The following ITPRID2 variants were observed in gnomAD, a reference collection of about 807,000 sequenced individuals.
ITPRID2 encodes protein ITPRID2.
A neutral mutation model predicts 124.3 loss-of-function variants in ITPRID2; 60 were observed. The observed-to-expected ratio is 0.48, with a 90% CI of 0.39 to 0.60. The LOEUF is 0.60. Among genes scored for constraint, ITPRID2 ranks in the 20% least tolerant of loss-of-function variants. ITPRID2 has a pLI of 0.00. For missense variants in ITPRID2, 1,553 were observed against 1,512.2 expected (o/e 1.03, Z -0.45); for synonymous variants, 521 against 542.9 (o/e 0.96, Z 0.56).
chr2:181,926,544 TCTA>T (rs1445800870), intron 16 of ITPRID2, among the ~76,000 whole-genome samples: 1 of 151,960 alleles, frequency 6.6e-6, no homozygotes, highest in African/African-American at 2.4e-5. Flanking sequence ...AAACCCCGTC[TCTA>T]CTAAAAATAC....
At chr2:181,897,541 A>T (rs1014218996) in intron 4 of ITPRID2, among the ~76,000 whole-genome samples, 27 of 151,644 alleles carry the variant, frequency 1.8e-4, no homozygotes, top group Non-Finnish European at 3.5e-4. Context: ...TTTACAAGTT[A>T]TGTAATGTTT....
chr2:181,899,737 G>C (rs1692508762), intron 6 of ITPRID2, among the ~76,000 whole-genome samples: 1 of 152,096 alleles, frequency 6.6e-6, no homozygotes, highest in Non-Finnish European at 1.5e-5. Context: ...ACAACCACTT[G>C]GAAGGCTGAA....
rs533041396 is a variant in ITPRID2, at chr2:181,919,070, A to G, written c.2993+188A>G. Among the ~76,000 whole-genome samples the G allele has an allele frequency of 1.3e-5, 2 of 152,336 alleles. No homozygotes were observed. Among genetic ancestry groups the G allele is most frequent in the South Asian group, 4.1e-4 (2 of 4,828 alleles). The stretch of plus-strand genomic sequence containing the variant: ...TAAACTTGTATGCCTTCAATATCCT[A>G]AGGGTAGTGGTAACCTGCTTTCCCG... On this transcript the variant is annotated intron_variant, in intron 13 of 17. Coordinates refer to ENST00000431877, the MANE Select transcript of ITPRID2 (RefSeq NM_001130445.3). The surrounding 1 kb of genome is among the most constrained non-coding windows in gnomAD (Gnocchi z 4.2).
At chr2:181,913,225 G>C (rs985752888) in intron 9 of ITPRID2, among the ~76,000 whole-genome samples, 1 of 151,972 alleles carries the variant, frequency 6.6e-6, no homozygotes, top group Non-Finnish European at 1.5e-5. Flanking sequence ...CCGCTACCAC[G>C]CCTGGCTAAT....
In ITPRID2 at chr2:181,922,223, A is replaced by T. The variant is rs374063971; in HGVS notation, c.3486A>T (p.Arg1162Ser). 1 of 1,614,254 alleles carries T rather than the reference A, an allele frequency of 6.2e-7. No individual in the cohort carries two copies. Among genetic ancestry groups the T allele is most frequent in the Admixed American group, 1.7e-5 (1 of 60,032 alleles). ...CTCTAACGCCAACAGCTCCTTCTAG[A>T]ACAGGCTCTGTGCAGACACCTCCAG... is the stretch of plus-strand genomic sequence containing the variant. ...SVALTPTAPS[R>S]TGSVQTPPDL... Residue 1162 changes from arginine (R) to serine (S), a missense_variant, in exon 16 of 18, where the codon AGA becomes AGT. By Grantham distance (110) the Arg-to-Ser change is moderately radical. Coordinates refer to ENST00000431877, the MANE Select transcript of ITPRID2 (RefSeq NM_001130445.3).
At chr2:181,916,681 C>A in intron 11 of ITPRID2, 2 of 706,042 alleles carry the variant, frequency 2.8e-6, no homozygotes, top group Non-Finnish European at 4.1e-6. Context: ...AGATTTTTCT[C>A]GTTAAGTATC....
chr2:181,897,646 C>T (rs1692312748), intron 4 of ITPRID2, among the ~76,000 whole-genome samples: 1 of 151,338 alleles, frequency 6.6e-6, no homozygotes, highest in Admixed American at 6.6e-5. Flanking sequence ...GCTCATTGAT[C>T]AAATTGCATA....
At chr2:181,914,515 G>T (rs994789582) in intron 10 of ITPRID2, among the ~76,000 whole-genome samples, 1 of 152,122 alleles carries the variant, frequency 6.6e-6, no homozygotes, top group Non-Finnish European at 1.5e-5. Context: ...CATTTAAGGG[G>T]TAAACAGACA....
rs374991545 is a variant in ITPRID2, at chr2:181,908,091, C to T, written c.1414-1808C>T. On this transcript the variant is annotated intron_variant, in intron 8 of 17. Transcript: ENST00000431877. Reference sequence around the variant, plus strand: ...AATTCTGTGTTTAAAGGTGAGCAGCCGGGTGCGGCGGCTCACACCTTTAAT... The same window carrying T: ...AATTCTGTGTTTAAAGGTGAGCAGCTGGGTGCGGCGGCTCACACCTTTAAT... Among the ~76,000 whole-genome samples, 45 of 152,178 alleles carry T rather than the reference C, an allele frequency of 3.0e-4. 1 individual carries two copies. The Middle Eastern group carries it at 0.01, about 35-fold the overall frequency.
intron 16 of ITPRID2, among the ~76,000 whole-genome samples, chr2:181,922,633 A>G (rs1325376030): frequency 6.6e-6 from 1 of 152,250 alleles, no homozygotes; most frequent in Non-Finnish European, 1.5e-5. Context: ...AATAATTACA[A>G]TTCTCTGTGT....
chr2:181,928,048 C>T (rs1694992421), intron 16 of ITPRID2, 113 bp from the exon 17 acceptor site: 3 of 678,924 alleles, frequency 4.4e-6, no homozygotes, highest in Non-Finnish European at 7.5e-6. Flanking sequence ...CAGGGAGATT[C>T]ACATGAAGGT....
chr2:181,916,794 C>A, intron 11 of ITPRID2: 1 of 999,262 alleles, frequency 1.0e-6, no homozygotes, highest in Non-Finnish European at 1.2e-6. Context: ...TTCTCTCTTT[C>A]TCTCTGCTAT....
At position 181,892,560 on chromosome 2, in the gene ITPRID2, C is replaced by T; in HGVS notation, c.212-55C>T. The T allele has an allele frequency of 6.2e-7, 1 of 1,608,888 alleles. No homozygotes were observed. Among genetic ancestry groups the T allele is most frequent in the East Asian group, 2.2e-5 (1 of 44,836 alleles). ...CTACTTGGGAGGGTCCAGGGTGACT[C>T]CGCCGTCGTAGTGCTCCTGGGTGGT... On this transcript the variant is annotated intron_variant, in intron 1 of 17. Transcript: ENST00000431877. This position sits in a 1 kb window ranked among gnomAD's most constrained non-coding sequence, Gnocchi z 5.2.
At chr2:181,921,865 A>G (rs1205938379) in intron 15 of ITPRID2, 83 bp from the exon 16 acceptor site, 7 of 1,210,678 alleles carry the variant, frequency 5.8e-6, no homozygotes, top group African/African-American at 1.5e-5. Flanking sequence ...ATTTTAGGCA[A>G]TAATGACAAC....
chr2:181,892,037 G>A lies in ITPRID2; in HGVS notation c.-30G>A. On this transcript the variant is annotated 5_prime_UTR_variant, in exon 1 of 18. Transcript: ENST00000431877. The surrounding 1 kb of genome is among the most constrained non-coding windows in gnomAD (Gnocchi z 5.2). ...CGCCGCCTTGTCTCGCGCAGGGTCC[G>A]GCTGGGGTAGCGGAGCCCCCAGTGC... 5 of 1,545,238 alleles carry A rather than the reference G, an allele frequency of 3.2e-6. No individual in the cohort carries two copies. The highest frequency in any genetic ancestry group is 4.4e-6 in the Non-Finnish European group (5 of 1,145,000).
rs1693464383 is a variant in ITPRID2, at chr2:181,909,893, C to G, written c.1414-6C>G. 5 of 1,611,838 alleles carry G rather than the reference C, an allele frequency of 3.1e-6. No individual in the cohort carries two copies. In the East Asian group the frequency reaches 1.1e-4, roughly 36 times the overall value. On this transcript the variant is annotated splice_region_variant and splice_polypyrimidine_tract_variant and intron_variant, in intron 8 of 17. Coordinates refer to ENST00000431877, the MANE Select transcript of ITPRID2 (RefSeq NM_001130445.3). ...TTGGTTTTAACTACTTAAAACTCTT[C>G]TTAAGGTTCAAAGTACGGAGGGAGA...
chr2:181,901,829 A>G lies in ITPRID2; in HGVS notation c.776A>G (p.Gln259Arg). The stretch of plus-strand genomic sequence containing the variant: ...AATGCGTTTTCTTCTTTATATTCTC[A>G]AGTCTCCGGGACGCCCCTGCAGAGA... Reference protein sequence around the residue: ...VANAFSSLYSQVSGTPLQRIG... With the variant: ...VANAFSSLYSRVSGTPLQRIG... The change falls in exon 8 of 18, where the codon CAA becomes CGA. Residue 259 changes from glutamine (Q) to arginine (R), a missense_variant. Transcript: ENST00000431877. The G allele has an allele frequency of 6.2e-7, 1 of 1,613,738 alleles. No homozygotes were observed. Among genetic ancestry groups the G allele is most frequent in the Non-Finnish European group, 8.5e-7 (1 of 1,179,800 alleles).
intron 9 of ITPRID2, among the ~76,000 whole-genome samples, chr2:181,911,880 C>G (rs1693635985): frequency 6.6e-6 from 1 of 152,166 alleles, no homozygotes; most frequent in African/African-American, 2.4e-5. Context: ...AACTTGAACC[C>G]AGGCCTCCTT....
In ITPRID2 at chr2:181,929,609, T is replaced by C. The variant is rs1292737954; in HGVS notation, c.*62T>C. 7 of 1,613,292 alleles carry C rather than the reference T, an allele frequency of 4.3e-6. No homozygotes were observed. The highest frequency in any genetic ancestry group is 5.9e-6 in the Non-Finnish European group (7 of 1,179,522). On this transcript the variant is annotated 3_prime_UTR_variant, in exon 18 of 18. Coordinates refer to ENST00000431877, the MANE Select transcript of ITPRID2 (RefSeq NM_001130445.3). ...TGTAATACTGGAATTATCAATGATA[T>C]GCACTGGTGGAGGTGTTATTTGTGC...
Sources: gnomAD v4.1 joint callset for allele counts (sites outside exome capture counted in the v4.1 genomes callset) on GRCh38, gnomAD v4.1.1 for gene constraint, Gnocchi (gnomAD v3.1) non-coding constraint, MANE v1.5 for transcripts, NCBI Gene and HGNC (gene_info 2026-07-23, HGNC 2026-07-21) for gene names.